The following TENM3 variants were observed in gnomAD, a reference collection of about 807,000 sequenced individuals.
The protein encoded by TENM3 is teneurin-3.
TENM3 carries 63 observed loss-of-function variants against 255.1 expected under a neutral mutation model. The observed-to-expected ratio is 0.25, with a 90% CI of 0.20 to 0.30. The LOEUF (loss-of-function observed/expected upper bound fraction) is 0.30. Ranked by LOEUF, TENM3 falls within the 10% of genes least tolerant of loss-of-function variation. TENM3 has a pLI of 1.00. For missense variants in TENM3, 2,929 were observed against 3,461.1 expected, an observed-to-expected ratio of 0.85 and a Z score of 3.86; for synonymous variants, 1,306 against 1,322.3, an observed-to-expected ratio of 0.99 and a Z score of 0.27.
At chr4:182,674,652 T>G (rs1339994750) in intron 7 of TENM3, among the ~76,000 whole-genome samples, 2 of 151,792 alleles carry the variant, frequency 1.3e-5, no homozygotes, top group African/African-American at 4.8e-5. Flanking sequence ...CTTACCTCAC[T>G]GTAGCCTCAA....
At chr4:182,516,270 C>T (rs1442696288) in intron 3 of TENM3, among the ~76,000 whole-genome samples, 2 of 152,222 alleles carry the variant, frequency 1.3e-5, no homozygotes, top group African/African-American at 4.8e-5. Flanking sequence ...GTACTTCTAT[C>T]TCACAGGCTT....
intron 22 of TENM3, among the ~76,000 whole-genome samples, chr4:182,761,438 TAGAG>T (rs958095809): frequency 7.9e-5 from 11 of 139,456 alleles, no homozygotes; most frequent in African/African-American, 2.6e-4. Flanking sequence ...GAAGAAGAAT[TAGAG>T]AGGTGTCTTC....
chr4:182,316,662 C>T (rs1441964120), intron 1 of TENM3, among the ~76,000 whole-genome samples: 1 of 151,978 alleles, frequency 6.6e-6, no homozygotes, highest in Non-Finnish European at 1.5e-5. Context: ...TGATACAGTC[C>T]TTTCAGATCA....
chr4:181,710,524 T>C, the TENM3 span, among the ~76,000 whole-genome samples: 1 of 151,986 alleles, frequency 6.6e-6, no homozygotes, highest in Non-Finnish European at 1.5e-5. Context: ...AAGACCATCC[T>C]GGACAACATG....
At chr4:181,941,773 A>G in the TENM3 span, among the ~76,000 whole-genome samples, 1 of 152,124 alleles carries the variant, frequency 6.6e-6, no homozygotes, top group Non-Finnish European at 1.5e-5. Flanking sequence ...GGTTATGGAC[A>G]TGATTCTAGA....
At chr4:182,383,147 G>A (rs887400329) in intron 3 of TENM3, among the ~76,000 whole-genome samples, 1 of 152,062 alleles carries the variant, frequency 6.6e-6, no homozygotes, top group African/African-American at 2.4e-5. Flanking sequence ...GTGGTGGATG[G>A]AAAATTACTA....
At chr4:182,524,825 A>C (rs1738975365) in intron 3 of TENM3, among the ~76,000 whole-genome samples, 1 of 135,580 alleles carries the variant, frequency 7.4e-6, no homozygotes, top group Non-Finnish European at 1.6e-5. Flanking sequence ...GAGACATAGT[A>C]AAACTCTGTC....
intron 5 of TENM3, among the ~76,000 whole-genome samples, chr4:182,645,915 C>T (rs997794792): frequency 3.3e-5 from 5 of 152,120 alleles, no homozygotes; most frequent in South Asian, 2.1e-4. Context: ...GATACAAGGG[C>T]GTGAATACCA....
At chr4:182,759,556 G>T (rs911829989) in intron 22 of TENM3, among the ~76,000 whole-genome samples, 1 of 152,138 alleles carries the variant, frequency 6.6e-6, no homozygotes, top group Non-Finnish European at 1.5e-5. Flanking sequence ...ATAAAATAAG[G>T]ACTTCCTCAG....
the TENM3 span, among the ~76,000 whole-genome samples, chr4:181,648,476 C>T: frequency 0.032 from 4,810 of 152,210 alleles, 119 homozygotes; most frequent in Middle Eastern, 0.075. Context: ...ACAACAACAA[C>T]AAGCAACAAA....
intron 3 of TENM3, among the ~76,000 whole-genome samples, chr4:182,430,778 G>C (rs1208869018): frequency 6.6e-6 from 1 of 151,846 alleles, no homozygotes; most frequent in African/African-American, 2.4e-5. Flanking sequence ...TGCAGGAGCC[G>C]AGGCGGGCGG....
intron 1 of TENM3, among the ~76,000 whole-genome samples, chr4:182,233,158 G>A (rs906810943): frequency 2.6e-5 from 4 of 152,114 alleles, no homozygotes; most frequent in Non-Finnish European, 4.4e-5. Flanking sequence ...CCCACCTTCC[G>A]TGCTCAGCCA....
intron 1 of TENM3, among the ~76,000 whole-genome samples, chr4:182,165,473 T>G (rs936299793): frequency 2.0e-5 from 3 of 152,206 alleles, no homozygotes; most frequent in African/African-American, 7.2e-5. Context: ...CAAATTTTTC[T>G]TACACGTTCC....
intron 3 of TENM3, among the ~76,000 whole-genome samples, chr4:182,379,515 G>T (rs1445898643): frequency 1.3e-5 from 2 of 152,184 alleles, no homozygotes; most frequent in African/African-American, 4.8e-5. Flanking sequence ...AAGACTGAAC[G>T]GGGCTTTTCA....
the TENM3 span, among the ~76,000 whole-genome samples, chr4:181,560,539 C>T: frequency 5.7e-4 from 86 of 152,050 alleles, no homozygotes; most frequent in African/African-American, 1.8e-3. Context: ...TCTGCCTTCC[C>T]GGAGACATGC....
chr4:182,639,485 T>G (rs1021013375), intron 5 of TENM3, among the ~76,000 whole-genome samples: 2 of 152,184 alleles, frequency 1.3e-5, no homozygotes, highest in African/African-American at 4.8e-5. Flanking sequence ...CCACACTTTT[T>G]TAAAAGAAAA....
intron 1 of TENM3, among the ~76,000 whole-genome samples, chr4:182,250,382 T>G (rs1757941013): frequency 6.6e-6 from 1 of 152,178 alleles, no homozygotes; most frequent in Non-Finnish European, 1.5e-5. Flanking sequence ...TGTTACATCT[T>G]TTGTTTTAAT....
intron 3 of TENM3, among the ~76,000 whole-genome samples, chr4:182,367,884 A>T (rs1169382256): frequency 1.3e-5 from 2 of 152,188 alleles, no homozygotes; most frequent in Admixed American, 1.3e-4. Flanking sequence ...AGATGGAAGG[A>T]TGGAAAAGTT....
At chr4:181,659,696 C>T in the TENM3 span, among the ~76,000 whole-genome samples, 1 of 152,186 alleles carries the variant, frequency 6.6e-6, no homozygotes, top group Non-Finnish European at 1.5e-5. Context: ...AGAATTACCT[C>T]AAAGTAAAGA....
Sources: gnomAD v4.1 joint callset for allele counts (sites outside exome capture counted in the v4.1 genomes callset) on GRCh38, gnomAD v4.1.1 for gene constraint, MANE v1.5 for transcripts, NCBI Gene and HGNC (gene_info 2026-07-23, HGNC 2026-07-21) for gene names.